Variants in ANK2 observed in about 807,000 individuals in gnomAD.
ANK2 encodes the protein ankyrin-2.
A neutral mutation model predicts 360.5 loss-of-function variants in ANK2; 83 were observed. The observed-to-expected ratio is 0.23, with a 90% confidence interval of 0.19 to 0.28. The LOEUF (loss-of-function observed/expected upper bound fraction) is 0.28, where lower values mean the gene tolerates loss of function less well. Among genes scored for constraint, ANK2 ranks in the 10% least tolerant of loss-of-function variants. The pLI, the probability that ANK2 is intolerant of heterozygous loss-of-function variation, is 1.00. For synonymous variants in ANK2, 1,740 were observed against 1,759.5 expected (o/e 0.99, Z 0.28); for missense variants, 4,201 against 4,795.7 (o/e 0.88, Z 3.66).
chr4:112,734,935 A>G, the ANK2 span, among the ~76,000 whole-genome samples: 1 of 152,182 alleles, frequency 6.6e-6, no homozygotes, highest in Admixed American at 6.5e-5. Flanking sequence ...TTATTAGATC[A>G]TTACTGTTAT....
At chr4:113,109,153 T>G (rs1041513266) in intron 1 of ANK2, among the ~76,000 whole-genome samples, 1 of 152,186 alleles carries the variant, frequency 6.6e-6, no homozygotes, top group African/African-American at 2.4e-5. Context: ...GAAATAAATC[T>G]GTACTCAAAG....
chr4:113,328,935 T>G (rs1221635876), intron 26 of ANK2, among the ~76,000 whole-genome samples: 1 of 152,252 alleles, frequency 6.6e-6, no homozygotes, highest in African/African-American at 2.4e-5. Context: ...AAAATACCTT[T>G]CAAATGTTTT....
At chr4:112,936,436 C>G (rs191400243) in intron 2 of ANK2, among the ~76,000 whole-genome samples, 1 of 152,120 alleles carries the variant, frequency 6.6e-6, no homozygotes, top group African/African-American at 2.4e-5. Context: ...GCCTCCGCCT[C>G]CGGCGTTCAA....
At chr4:112,987,162 GGGT>G (rs2045186467) in intron 2 of ANK2, among the ~76,000 whole-genome samples, 1 of 152,190 alleles carries the variant, frequency 6.6e-6, no homozygotes, top group East Asian at 1.9e-4. Flanking sequence ...AATATTGCAT[GGGT>G]CTATATTCTC....
chr4:112,863,398 G>T (rs181978920), intron 1 of ANK2, among the ~76,000 whole-genome samples: 12 of 151,426 alleles, frequency 7.9e-5, no homozygotes, highest in African/African-American at 1.5e-4. Flanking sequence ...TTTCTAATTC[G>T]ATGTAAGATG....
At chr4:112,909,653 A>G (rs2086417614) in intron 2 of ANK2, among the ~76,000 whole-genome samples, 1 of 152,214 alleles carries the variant, frequency 6.6e-6, no homozygotes, top group Admixed American at 6.5e-5. Context: ...CCAAAGTAGC[A>G]CGGATTTTTC....
At chr4:113,161,738 G>A (rs1186251350) in intron 1 of ANK2, among the ~76,000 whole-genome samples, 2 of 151,340 alleles carry the variant, frequency 1.3e-5, no homozygotes, top group Non-Finnish European at 2.9e-5. Context: ...GTGTGTGCAT[G>A]TGCATGTATG....
chr4:113,148,246 G>T (rs976764538), intron 1 of ANK2, among the ~76,000 whole-genome samples: 1 of 152,068 alleles, frequency 6.6e-6, no homozygotes, highest in Non-Finnish European at 1.5e-5. Context: ...TTTGCATATT[G>T]GTCTAAGTAT....
chr4:112,828,232 CTTTTT>C (rs751771907), intron 1 of ANK2, among the ~76,000 whole-genome samples: 2 of 109,570 alleles, frequency 1.8e-5, no homozygotes, highest in African/African-American at 7.1e-5. Flanking sequence ...GAATTACGGA[CTTTTT>C]TTTTTTTTTT....
intron 36 of ANK2, 130 bp downstream of exon 36, chr4:113,348,438 A>C: frequency 1.1e-6 from 1 of 917,822 alleles, no homozygotes; most frequent in Non-Finnish European, 1.8e-6. Context: ...GCACAATTTT[A>C]CTTAACCTCT....
chr4:112,824,236 G>T (rs1471921622), intron 1 of ANK2, among the ~76,000 whole-genome samples: 1 of 152,000 alleles, frequency 6.6e-6, no homozygotes, highest in Non-Finnish European at 1.5e-5. Context: ...CTGGAGGGCG[G>T]TGGTGTGATC....
the ANK2 span, among the ~76,000 whole-genome samples, chr4:112,791,286 T>A: frequency 2.6e-5 from 4 of 152,124 alleles, no homozygotes; most frequent in African/African-American, 9.7e-5. Context: ...AGGAGAGGAT[T>A]GCCCAGATGA....
the ANK2 span, among the ~76,000 whole-genome samples, chr4:112,773,526 A>G: frequency 2.8e-4 from 43 of 152,282 alleles, no homozygotes; most frequent in African/African-American, 1.0e-3. Context: ...AAAGATTATT[A>G]CTACTTTTCT....
At chr4:112,972,108 A>G (rs2039747673) in intron 2 of ANK2, among the ~76,000 whole-genome samples, 1 of 152,216 alleles carries the variant, frequency 6.6e-6, no homozygotes, top group Non-Finnish European at 1.5e-5. Flanking sequence ...TTTAAAATGT[A>G]TGTAGCATAG....
At chr4:112,975,839 C>A (rs1327965950) in intron 2 of ANK2, among the ~76,000 whole-genome samples, 2 of 152,056 alleles carry the variant, frequency 1.3e-5, no homozygotes, top group African/African-American at 4.8e-5. Flanking sequence ...CAGTTCATTC[C>A]TTTTAAGGGA....
At position 113,365,159 on chromosome 4, in the gene ANK2, C is replaced by A. The variant is rs45608232; in HGVS notation, c.11009C>A (p.Thr3670Asn). 5.1e-5 allele frequency: 83 copies of A among 1,613,348 alleles called. No homozygotes were observed. The African/African-American group carries it at 1.1e-3, about 21-fold the overall frequency. Residue 3670 changes from threonine (T) to asparagine (N), a missense_variant, in exon 41 of 46, where the codon ACC becomes AAC. Thr to Asn is a moderately conservative substitution (Grantham distance 65). Around this residue, in one of 4 missense-constraint regions of ANK2, gnomAD observed 2,642 missense variants for 2,714.5 expected, o/e 0.97. Transcript: ENST00000357077. The stretch of plus-strand genomic sequence containing the variant: ...CATAGTTATGCAGAAATTGAACAGA[C>A]CATTACACTGGATCATAGTGAAGGT... ...ISHSYAEIEQ[T>N]ITLDHSEGFS... is the part of the protein sequence containing the mutation.
At chr4:113,111,656 T>G (rs549561108) in intron 1 of ANK2, among the ~76,000 whole-genome samples, 9 of 152,298 alleles carry the variant, frequency 5.9e-5, no homozygotes, top group African/African-American at 2.2e-4. Context: ...TTCCAATCCT[T>G]TAATAGACTA....
intron 24 of ANK2, among the ~76,000 whole-genome samples, chr4:113,312,460 CT>C (rs530015646): frequency 2.2e-3 from 334 of 151,766 alleles, no homozygotes; most frequent in African/African-American, 7.6e-3. Flanking sequence ...CAAAAACAAA[CT>C]TTTCTTGGGC....
chr4:113,181,261 G>A (rs2098405613), intron 2 of ANK2, among the ~76,000 whole-genome samples: 1 of 152,166 alleles, frequency 6.6e-6, no homozygotes, highest in African/African-American at 2.4e-5. Flanking sequence ...GTTTAGATCG[G>A]AACAGAACAC....
Sources: allele counts gnomAD v4.1 joint callset (sites outside exome capture counted in the v4.1 genomes callset), GRCh38; gene constraint gnomAD v4.1.1; regional missense constraint gnomAD v4.1.1; transcripts MANE v1.5; gene names NCBI Gene and HGNC (gene_info 2026-07-23, HGNC 2026-07-21).